The following WDR27 variants were observed in gnomAD, a reference collection of about 807,000 sequenced individuals.
The protein encoded by WDR27 is WD repeat domain 27, also known as WD repeat-containing protein 27.
A neutral mutation model predicts 114.4 loss-of-function variants in WDR27; 100 were observed. The ratio of observed to expected loss-of-function variants is 0.87; its 90% CI spans 0.74 to 1.03. The LOEUF is 1.03. WDR27 is among the 50% of genes least tolerant of loss of function. The pLI, the probability that WDR27 is intolerant of heterozygous loss-of-function variation, is 0.00. For synonymous variants in WDR27, 449 were observed against 423.1 expected (o/e 1.06, Z -0.75); for missense variants, 1,129 against 1,092.9 (o/e 1.03, Z -0.47).
intron 25 of WDR27, among the ~76,000 whole-genome samples, chr6:169,521,014 G>A (rs1236338182): frequency 6.6e-6 from 1 of 152,074 alleles, no homozygotes; most frequent in Non-Finnish European, 1.5e-5. Flanking sequence ...TTGAGAAAGA[G>A]ATAAATATCC....
intron 25 of WDR27, among the ~76,000 whole-genome samples, chr6:169,488,778 A>C (rs1789310205): frequency 6.6e-6 from 1 of 152,140 alleles, no homozygotes; most frequent in Non-Finnish European, 1.5e-5. Context: ...CGCAAGCCAG[A>C]GCTCCCAGTC....
At chr6:169,696,949 C>T (rs780456286) in intron 1 of WDR27, among the ~76,000 whole-genome samples, 25 of 152,256 alleles carry the variant, frequency 1.6e-4, no homozygotes, top group Admixed American at 1.2e-3. Flanking sequence ...AAAAACCTAT[C>T]TCCTGACACC....
downstream of WDR27, among the ~76,000 whole-genome samples, chr6:169,455,198 CTT>C (rs1205431651): frequency 6.6e-6 from 1 of 152,206 alleles, no homozygotes; most frequent in Admixed American, 6.5e-5. Context: ...AGTCGACAGA[CTT>C]TGCACGGGAG....
At position 169,659,424 on chromosome 6, in the gene WDR27, C is replaced by T; in HGVS notation, c.1197+27G>A. ...AGAAATCAGAGGCACGTCTCATAGACAGGGAGGGCCGCGTCTCAGGACTGA... is the reference window on the plus strand; with the variant it reads ...AGAAATCAGAGGCACGTCTCATAGATAGGGAGGGCCGCGTCTCAGGACTGA... On this transcript the variant is annotated intron_variant, in intron 11 of 25. Transcript: ENST00000448612. This position sits in a 1 kb window ranked among gnomAD's most constrained non-coding sequence, Gnocchi z 4.3. 4 of 1,602,292 alleles carry T rather than the reference C, an allele frequency of 2.5e-6. No homozygotes were observed. In the Admixed American group the frequency reaches 5.2e-5, roughly 21 times the overall value.
rs551839008 is a variant in WDR27, at chr6:169,576,069, C to T, written c.2524-3529G>A. Among the ~76,000 whole-genome samples the T allele has an allele frequency of 2.0e-5, 3 of 152,252 alleles. No homozygotes were observed. The South Asian group carries it at 6.2e-4, about 32-fold the overall frequency. On this transcript the variant is annotated intron_variant, in intron 24 of 25. Coordinates refer to ENST00000448612, the MANE Select transcript of WDR27 (RefSeq NM_182552.5). ...ACTGCAAAGCTTTTGGAGTAACGGG[C>T]CTGCTTTAGATACTTCTATAGACAG...
chr6:169,552,153 C>G (rs552489035), intron 25 of WDR27, among the ~76,000 whole-genome samples: 1 of 152,186 alleles, frequency 6.6e-6, no homozygotes, highest in Non-Finnish European at 1.5e-5. Flanking sequence ...CCATCCTGCT[C>G]GGGCCTGTGT....
intron 16 of WDR27, among the ~76,000 whole-genome samples, chr6:169,645,048 A>T (rs563391882): frequency 0.022 from 1,316 of 59,004 alleles, 108 homozygotes; most frequent in Admixed American, 0.03. Flanking sequence ...AAAAAAAAAA[A>T]AAAAAAAAAA....
intron 17 of WDR27, 98 bp from the exon 18 acceptor site, chr6:169,638,758 C>T: frequency 6.9e-7 from 1 of 1,448,414 alleles, no homozygotes; most frequent in Non-Finnish European, 9.3e-7. Context: ...ACAACTGGAA[C>T]AGCATTTTTC....
At chr6:169,641,703 T>G (rs1819218447) in intron 17 of WDR27, among the ~76,000 whole-genome samples, 1 of 152,188 alleles carries the variant, frequency 6.6e-6, no homozygotes, top group Admixed American at 6.5e-5. Flanking sequence ...CCAGGAGAGA[T>G]GCGCATCTTC....
intron 5 of WDR27, chr6:169,667,519 C>T (rs1828190260): frequency 1.4e-5 from 5 of 358,456 alleles, no homozygotes; most frequent in Non-Finnish European, 1.9e-5. Flanking sequence ...TAGCAGTCTA[C>T]ACCCTGTCAG....
intron 21 of WDR27, among the ~76,000 whole-genome samples, chr6:169,618,944 A>C (rs560369730): frequency 2.0e-5 from 3 of 152,210 alleles, no homozygotes; most frequent in Non-Finnish European, 4.4e-5. Flanking sequence ...TCATTCCATC[A>C]AATACCATTC....
At chr6:169,448,412 G>GTGTC in the WDR27 span, among the ~76,000 whole-genome samples, 13 of 151,792 alleles carry the variant, frequency 8.6e-5, no homozygotes, top group African/African-American at 3.1e-4. Context: ...GTGTGTGTGT[G>GTGTC]TGTGTGTATG....
intron 17 of WDR27, among the ~76,000 whole-genome samples, chr6:169,643,411 A>G (rs930197226): frequency 6.6e-6 from 1 of 152,234 alleles, no homozygotes; most frequent in African/African-American, 2.4e-5. Flanking sequence ...ATATATTTCA[A>G]TTATTTAGGA....
At chr6:169,429,150 C>T in the WDR27 span, among the ~76,000 whole-genome samples, 1 of 152,166 alleles carries the variant, frequency 6.6e-6, no homozygotes, top group African/African-American at 2.4e-5. Flanking sequence ...TCCCGAGGCT[C>T]GTGTTCTCTG....
At chr6:169,623,196 C>T (rs181741463) in intron 21 of WDR27, among the ~76,000 whole-genome samples, 5 of 152,230 alleles carry the variant, frequency 3.3e-5, no homozygotes, top group African/African-American at 7.2e-5. Context: ...GCTGGTCGTG[C>T]GGCCCCCACC....
chr6:169,552,480 C>T (rs1040285057), intron 25 of WDR27, among the ~76,000 whole-genome samples: 2 of 152,102 alleles, frequency 1.3e-5, no homozygotes, highest in Admixed American at 6.6e-5. Flanking sequence ...ATTTAACAGC[C>T]GTACACCCTG....
intron 6 of WDR27, among the ~76,000 whole-genome samples, chr6:169,665,773 G>C (rs901675621): frequency 6.6e-6 from 1 of 152,170 alleles, no homozygotes; most frequent in East Asian, 1.9e-4. Flanking sequence ...GAAGGCTGGG[G>C]ACATCACCCC....
intron 25 of WDR27, among the ~76,000 whole-genome samples, chr6:169,459,409 T>G (rs971655567): frequency 3.3e-5 from 5 of 151,630 alleles, no homozygotes; most frequent in South Asian, 4.2e-4. Flanking sequence ...AAAAAAGCAC[T>G]GAAAAAAGTG....
At chr6:169,436,721 T>A in the WDR27 span, among the ~76,000 whole-genome samples, 1 of 152,052 alleles carries the variant, frequency 6.6e-6, no homozygotes, top group Non-Finnish European at 1.5e-5. Context: ...AAAACATGAG[T>A]CATTTCTAAA....
Sources: gnomAD v4.1 joint callset for allele counts (sites outside exome capture counted in the v4.1 genomes callset) on GRCh38, gnomAD v4.1.1 for gene constraint, Gnocchi (gnomAD v3.1) non-coding constraint, MANE v1.5 for transcripts, NCBI Gene and HGNC (gene_info 2026-07-23, HGNC 2026-07-21) for gene names.